The following SMYD4 variants were observed in gnomAD, a reference collection of about 807,000 sequenced individuals.
SMYD4 encodes SET and MYND domain containing 4.
Under a neutral mutation model 72.8 loss-of-function variants are expected in SMYD4, and 68 were observed. That is an observed-to-expected ratio of 0.93 (90% CI 0.77 to 1.14). The LOEUF (loss-of-function observed/expected upper bound fraction) is 1.14. SMYD4 is among the 50% of genes most tolerant of loss of function. The pLI is 0.00. For synonymous variants in SMYD4, 407 were observed against 388.6 expected (o/e 1.05, Z -0.56); for missense variants, 984 against 1,003.7 (o/e 0.98, Z 0.27).
intron 2 of SMYD4, 88 bp from the exon 3 acceptor site, chr17:1,812,203 G>A (rs1284158123): frequency 1.4e-6 from 2 of 1,443,474 alleles, no homozygotes; most frequent in Non-Finnish European, 9.4e-7. Flanking sequence ...CAAGAAAGTG[G>A]GCCCGCAAAA....
At chr17:1,792,451 A>AT (rs769397953) in intron 5 of SMYD4, among the ~76,000 whole-genome samples, 14 of 152,058 alleles carry the variant, frequency 9.2e-5, no homozygotes, top group African/African-American at 2.4e-4. Flanking sequence ...GATGGAGACC[A>AT]CCTTGCTAAC....
At position 1,786,956 on chromosome 17, in the gene SMYD4, T is replaced by A; in HGVS notation, c.1738A>T (p.Met580Leu). ...TTCTGCTGCCTTTCGGCAACCCCCA[T>A]CCGGCTCTTGTGAGGCCCTGGAGGG... The part of the protein sequence containing the change: ...LHCYGPHKSR[M>L]GVAERQQKLR... Residue 580 changes from methionine to leucine, a missense_variant, in exon 7 of 11, where the codon ATG (methionine) becomes TTG (leucine). Physicochemically the swap from Met to Leu is conservative, Grantham distance 15. Coordinates refer to ENST00000305513, the MANE Select transcript of SMYD4 (RefSeq NM_052928.3). 1 of 1,613,852 alleles carries A rather than the reference T, an allele frequency of 6.2e-7. No homozygotes were observed. Among genetic ancestry groups the A allele is most frequent in the Non-Finnish European group, 8.5e-7 (1 of 1,180,012 alleles).
At chr17:1,816,150 C>T (rs1198480010) in intron 2 of SMYD4, among the ~76,000 whole-genome samples, 9 of 152,174 alleles carry the variant, frequency 5.9e-5, no homozygotes, top group African/African-American at 2.2e-4. Flanking sequence ...TCCCTCTCCA[C>T]ATCCCCTGGC....
chr17:1,813,455 T>G (rs1309268538), intron 2 of SMYD4, among the ~76,000 whole-genome samples: 2 of 152,136 alleles, frequency 1.3e-5, no homozygotes, highest in Admixed American at 1.3e-4. Context: ...TCTCACTTTG[T>G]TGCCCAGGCT....
chr17:1,791,195 T>C (rs1289008329), intron 5 of SMYD4, among the ~76,000 whole-genome samples: 1 of 148,638 alleles, frequency 6.7e-6, no homozygotes, highest in African/African-American at 2.5e-5. Flanking sequence ...TGATGGGAAG[T>C]GACAGGACAC....
intron 2 of SMYD4, among the ~76,000 whole-genome samples, chr17:1,819,301 G>C (rs1027339032): frequency 6.6e-6 from 1 of 152,140 alleles, no homozygotes; most frequent in Non-Finnish European, 1.5e-5. Context: ...AGGTTGCAGT[G>C]AGCAGAGATT....
In SMYD4 at chr17:1,787,546, G is replaced by A. The variant is rs1314156900; in HGVS notation, c.1596C>T (p.Phe532=). The part of the protein sequence containing the change: ...SRQVRLATGI[F]PVISLLNHSC... ...AGTGGTTCAGGAGGCTGATAACAGG[G>A]AAGATGCCTGTGGCAAGGCGCACCT... Residue 532 remains phenylalanine, a synonymous_variant, in exon 6 of 11, where the codon TTC becomes TTT. Coordinates refer to ENST00000305513, the MANE Select transcript of SMYD4 (RefSeq NM_052928.3). 2 of 1,595,446 alleles carry A rather than the reference G, an allele frequency of 1.3e-6. No individual in the cohort carries two copies. The highest frequency in any genetic ancestry group is 1.1e-5 in the South Asian group (1 of 87,586).
rs1909697498 is a variant in SMYD4 at position 1,800,789 on chromosome 17, T to C, written c.605A>G (p.Asp202Gly). The C allele has an allele frequency of 6.2e-7, 1 of 1,614,116 alleles. No homozygotes were observed. Among genetic ancestry groups the C allele is most frequent in the Non-Finnish European group, 8.5e-7 (1 of 1,180,050 alleles). ...TGCTGGGAAGCTTTCTGTGAGACTG[T>C]CCTTTTCTTGCATCTTCATTTTCAG... ...HRLKMKMQEK[D>G]SLTESFPAAL... The change falls in exon 5 of 11, where the codon GAC (aspartate) becomes GGC (glycine). Residue 202 changes from aspartate (D) to glycine (G), a missense_variant. By Grantham distance (94) the Asp-to-Gly change is moderately conservative. Transcript: ENST00000305513.
chr17:1,817,823 G>A (rs1462682970), intron 2 of SMYD4, among the ~76,000 whole-genome samples: 7 of 151,926 alleles, frequency 4.6e-5, no homozygotes, highest in Non-Finnish European at 8.8e-5. Context: ...CGAGGTGGGC[G>A]GATCACGAGG....
At position 1,786,861 on chromosome 17, in the gene SMYD4, T is replaced by C. The variant is rs1310705174; in HGVS notation, c.1833A>G (p.Ala611=). Residue 611 remains alanine (A), a synonymous_variant, in exon 7 of 11, where the codon GCA becomes GCG. Transcript: ENST00000305513. ...ACQTEAHRMA[A]GPRWEAFCCN... Reference sequence around the variant, plus strand: ...AACAGAATGCTTCCCACCTGGGCCCTGCAGCCATCCTGTGTGCCTCAGTTT... The same window carrying C: ...AACAGAATGCTTCCCACCTGGGCCCCGCAGCCATCCTGTGTGCCTCAGTTT... 3 of 1,614,180 alleles carry C rather than the reference T, an allele frequency of 1.9e-6. No homozygotes were observed. Among genetic ancestry groups the C allele is most frequent in the Non-Finnish European group, 2.5e-6 (3 of 1,180,004 alleles).
chr17:1,795,240 C>T (rs1248577776), intron 5 of SMYD4, among the ~76,000 whole-genome samples: 1 of 151,688 alleles, frequency 6.6e-6, no homozygotes, highest in African/African-American at 2.4e-5. Context: ...CTCCAGGGCT[C>T]AAGTGTTCCT....
intron 7 of SMYD4, 52 bp from the exon 8 acceptor site, chr17:1,784,513 C>A: frequency 6.2e-7 from 1 of 1,608,542 alleles, no homozygotes; most frequent in Non-Finnish European, 8.5e-7. Flanking sequence ...GTTATCAACA[C>A]CGCCTGTGCT....
At chr17:1,788,797 A>T (rs1908845815) in intron 5 of SMYD4, among the ~76,000 whole-genome samples, 1 of 152,172 alleles carries the variant, frequency 6.6e-6, no homozygotes, top group Admixed American at 6.6e-5. Context: ...GATAATTAGC[A>T]CTTTAAAAGT....
At chr17:1,827,813 G>C in intron 2 of SMYD4, 48 bp downstream of exon 2, 10 of 1,572,654 alleles carry the variant, frequency 6.4e-6, no homozygotes, top group Non-Finnish European at 8.7e-6. Context: ...TGACAAAATA[G>C]AACATTTTTT....
chr17:1,804,263 C>A (rs1026098350), intron 4 of SMYD4: 1 of 220,548 alleles, frequency 4.5e-6, no homozygotes, highest in Non-Finnish European at 9.2e-6. Context: ...CTCTACCTCC[C>A]GAGTTCGAGT....
Position 1,800,353 on chromosome 17 carries a change from A to G in SMYD4, c.1041T>C (p.Phe347=). The G allele has an allele frequency of 6.2e-7, 1 of 1,614,178 alleles. No homozygotes were observed. The highest frequency in any genetic ancestry group is 1.1e-5 in the South Asian group (1 of 91,078). ...LGGLLLTLGV[F]CHIALRLTLL... ...GAGTCAACCTCAGGGCAATGTGGCAAAAGACACCCAGTGTGAGAAGCAGCC... is the reference window on the plus strand; with the variant it reads ...GAGTCAACCTCAGGGCAATGTGGCAGAAGACACCCAGTGTGAGAAGCAGCC... The change falls in exon 5 of 11, where the codon TTT becomes TTC. Residue 347 remains phenylalanine (F), a synonymous_variant. Coordinates refer to ENST00000305513, the MANE Select transcript of SMYD4 (RefSeq NM_052928.3).
chr17:1,814,167 C>T (rs1284887411), intron 2 of SMYD4, among the ~76,000 whole-genome samples: 3 of 151,890 alleles, frequency 2.0e-5, no homozygotes, highest in East Asian at 1.9e-4. Context: ...TAGCTGGGTG[C>T]GGTGGCATAT....
chr17:1,815,433 C>T (rs1008243515), intron 2 of SMYD4, among the ~76,000 whole-genome samples: 1 of 151,184 alleles, frequency 6.6e-6, no homozygotes, highest in Non-Finnish European at 1.5e-5. Context: ...CTCCTGAGCT[C>T]AAGTGATTTT....
At chr17:1,784,215 G>C (rs1230032985) in intron 8 of SMYD4, 111 bp downstream of exon 8, 1 of 1,511,228 alleles carries the variant, frequency 6.6e-7, no homozygotes, top group Admixed American at 1.9e-5. Flanking sequence ...CTGGCATGGG[G>C]ATAATTACAT....
Sources: allele counts gnomAD v4.1 joint callset (sites outside exome capture counted in the v4.1 genomes callset), GRCh38; gene constraint gnomAD v4.1.1; transcripts MANE v1.5; gene names NCBI Gene and HGNC (gene_info 2026-07-23, HGNC 2026-07-21).